NEXMIF: variants seen among roughly 807,000 people sequenced by gnomAD.
NEXMIF encodes the protein neurite extension and migration factor.
A neutral mutation model predicts 62.1 loss-of-function variants in NEXMIF; 8 were observed. The ratio of observed to expected loss-of-function variants is 0.13; its 90% CI spans 0.08 to 0.23. The LOEUF (loss-of-function observed/expected upper bound fraction) is 0.23, where lower values mean the gene tolerates loss of function less well. Among genes scored for constraint, NEXMIF ranks in the 10% least tolerant of loss-of-function variants. The probability of loss-of-function intolerance (pLI) is 1.00; values close to 1 mark genes in which losing one functional copy is unlikely to be tolerated. For synonymous variants in NEXMIF, 404 were observed against 416.6 expected (o/e 0.97, Z 0.37); for missense variants, 976 against 1,113.3 (o/e 0.88, Z 1.75).
chrX:74,826,027 T>C (rs187575376), intron 1 of NEXMIF, among the ~76,000 whole-genome samples: 30 of 112,948 alleles, frequency 2.7e-4, no homozygotes, highest in African/African-American at 9.3e-4. Flanking sequence ...CCTTTGGTCA[T>C]ATACCCAGTA....
At chrX:74,844,715 T>C (rs189272797) in intron 1 of NEXMIF, among the ~76,000 whole-genome samples, 9 of 112,201 alleles carry the variant, frequency 8.0e-5, no homozygotes, top group Admixed American at 5.7e-4. Flanking sequence ...GCTTTAACTG[T>C]ACCATAACTG....
chrX:74,893,631 ACT>A (rs1435702493), intron 1 of NEXMIF, among the ~76,000 whole-genome samples: 54 of 112,251 alleles, frequency 4.8e-4, no homozygotes, highest in African/African-American at 1.7e-3. Flanking sequence ...AGATGGAAAA[ACT>A]CTATTTAGGC....
intron 1 of NEXMIF, among the ~76,000 whole-genome samples, chrX:74,757,523 TAG>T (rs1270147159): frequency 8.9e-6 from 1 of 112,127 alleles, no homozygotes; most frequent in Non-Finnish European, 1.9e-5. Context: ...CTCCATGGAA[TAG>T]AGACTCTTGT....
Position 74,741,400 on chromosome X carries a change from G to A in NEXMIF, c.3157C>T (p.Leu1053=). ...TCAGGGGTGAAGTTGGATATATCCA[G>A]GAGGTCAGTGGACTCCTTTAGTGGT... The part of the protein sequence containing the change: ...IAPLKESTDL[L]DISNFTPDKF... Residue 1053 remains leucine (L), a synonymous_variant, in exon 3 of 4, where the codon CTG becomes TTG. Transcript: ENST00000055682. The A allele has an allele frequency of 4.1e-6, 5 of 1,211,397 alleles. No individual in the cohort carries two copies. Among genetic ancestry groups the A allele is most frequent in the Non-Finnish European group, 5.6e-6 (5 of 895,290 alleles).
rs1007207375 is a variant in NEXMIF at position 74,797,506 on chromosome X, T to TCA, written c.-47-51811_-47-51810dup. ...ATAAAGTTTAAAAATTAAACCATGT[T>TCA]CACACACACACACAGAGTTAATAGT... On this transcript the variant is annotated intron_variant, in intron 1 of 3. Transcript: ENST00000055682. 5.3e-4 allele frequency among the ~76,000 whole-genome samples: 59 copies of TCA among 111,526 alleles called. 1 individual carries two copies. The highest frequency in any genetic ancestry group is 2.8e-4 in the East Asian group (1 of 3,580).
intron 1 of NEXMIF, among the ~76,000 whole-genome samples, chrX:74,748,274 T>A (rs896878300): frequency 8.9e-6 from 1 of 112,263 alleles, no homozygotes; most frequent in Non-Finnish European, 1.9e-5. Flanking sequence ...TGGGCCTTTG[T>A]TCTCCAGAAT....
At chrX:74,877,399 C>A (rs1438577292) in intron 1 of NEXMIF, among the ~76,000 whole-genome samples, 3 of 111,343 alleles carry the variant, frequency 2.7e-5, no homozygotes, top group African/African-American at 9.8e-5. Context: ...GAGTAACCGA[C>A]CTTTCTCTCT....
At chrX:74,875,911 G>A (rs1263736103) in intron 1 of NEXMIF, among the ~76,000 whole-genome samples, 1 of 110,736 alleles carries the variant, frequency 9.0e-6, no homozygotes, top group East Asian at 2.8e-4. Context: ...CTTGCTAGTG[G>A]TCTATCAATT....
chrX:74,907,998 C>A (rs917523110), intron 1 of NEXMIF, among the ~76,000 whole-genome samples: 5 of 111,016 alleles, frequency 4.5e-5, no homozygotes, highest in Non-Finnish European at 9.4e-5. Flanking sequence ...CGGCAAACAT[C>A]CTCCTCTGGG....
intron 1 of NEXMIF, among the ~76,000 whole-genome samples, chrX:74,770,679 G>A (rs9780704): frequency 0.018 from 2,061 of 111,797 alleles, 47 homozygotes; most frequent in African/African-American, 0.063. Context: ...ATTTTCCCAT[G>A]TTTGTTCTTT....
At chrX:74,840,401 T>C (rs1328361318) in intron 1 of NEXMIF, among the ~76,000 whole-genome samples, 2 of 111,745 alleles carry the variant, frequency 1.8e-5, no homozygotes, top group Non-Finnish European at 3.8e-5. Flanking sequence ...GGGAAAAACA[T>C]CCCATGCTCC....
chrX:74,851,395 G>A (rs773926226), intron 1 of NEXMIF, among the ~76,000 whole-genome samples: 43 of 110,890 alleles, frequency 3.9e-4, no homozygotes, highest in East Asian at 8.5e-4. Context: ...AATACATATC[G>A]TCTAAAAAGG....
intron 1 of NEXMIF, among the ~76,000 whole-genome samples, chrX:74,859,002 C>T (rs1578812): frequency 0.18 from 19,657 of 109,202 alleles, 2,515 homozygotes; most frequent in East Asian, 0.91. Flanking sequence ...AAGAATGATG[C>T]ATGCCTATAA....
At chrX:74,897,977 T>C (rs1014493035) in intron 1 of NEXMIF, among the ~76,000 whole-genome samples, 1 of 111,461 alleles carries the variant, frequency 9.0e-6, no homozygotes, top group Non-Finnish European at 1.9e-5. Context: ...AAATAAATGA[T>C]TGAACAAATA....
chrX:74,881,114 G>T (rs2080661017), intron 1 of NEXMIF, among the ~76,000 whole-genome samples: 1 of 111,309 alleles, frequency 9.0e-6, no homozygotes, highest in Admixed American at 9.6e-5. Flanking sequence ...CCTCAAGTAA[G>T]AATTGAGGCC....
At chrX:74,924,162 G>C (rs750003124) in intron 1 of NEXMIF, among the ~76,000 whole-genome samples, 3 of 111,531 alleles carry the variant, frequency 2.7e-5, no homozygotes, top group Admixed American at 1.9e-4. Context: ...GCCGGCTCAC[G>C]GCCTTCCCGC....
chrX:74,854,755 C>T (rs2080528653), intron 1 of NEXMIF, among the ~76,000 whole-genome samples: 1 of 111,577 alleles, frequency 9.0e-6, no homozygotes, highest in Admixed American at 9.5e-5. Context: ...TATTTCTACA[C>T]ATAAATAATC....
chrX:74,870,528 G>C (rs986561094), intron 1 of NEXMIF, among the ~76,000 whole-genome samples: 16 of 111,192 alleles, frequency 1.4e-4, no homozygotes, highest in South Asian at 7.6e-4. Context: ...AAAGTGAAAG[G>C]GTAACCCACA....
At chrX:74,805,082 C>T (rs901393676) in intron 1 of NEXMIF, among the ~76,000 whole-genome samples, 3 of 112,515 alleles carry the variant, frequency 2.7e-5, no homozygotes, top group African/African-American at 9.7e-5. Flanking sequence ...TTTCAAACCC[C>T]AGATTCTTCA....
Sources: gnomAD v4.1 joint callset for allele counts (sites outside exome capture counted in the v4.1 genomes callset) on GRCh38, gnomAD v4.1.1 for gene constraint, MANE v1.5 for transcripts, NCBI Gene and HGNC (gene_info 2026-07-23, HGNC 2026-07-21) for gene names.